Variants in IGFL2 observed in about 807,000 individuals in gnomAD.
IGFL2 encodes IGF like family member 2.
IGFL2 carries 7 observed loss-of-function variants against 13.9 expected under a neutral mutation model. The ratio of observed to expected loss-of-function variants is 0.51; its 90% CI spans 0.29 to 0.95. The LOEUF is 0.95. IGFL2 is among the 40% of genes least tolerant of loss of function. The pLI is 0.08. For missense variants in IGFL2, 138 were observed against 147.8 expected, an observed-to-expected ratio of 0.93 and a Z score of 0.34; for synonymous variants, 55 against 55.8, an observed-to-expected ratio of 0.99 and a Z score of 0.07.
the IGFL2 span, among the ~76,000 whole-genome samples, chr19:46,105,707 G>T: frequency 6.6e-6 from 1 of 152,200 alleles, no homozygotes; most frequent in Non-Finnish European, 1.5e-5. Flanking sequence ...GAACTGTAGG[G>T]AGTGAGTTAA....
At chr19:46,146,224 A>G (rs1271884199), upstream of IGFL2, among the ~76,000 whole-genome samples, 1 of 151,472 alleles carries the variant, frequency 6.6e-6, no homozygotes, top group African/African-American at 2.4e-5. Context: ...TCCCCCATTG[A>G]ATTGCCTTTA....
chr19:46,195,558 CAG>C, the IGFL2 span, among the ~76,000 whole-genome samples: 2 of 152,122 alleles, frequency 1.3e-5, no homozygotes, highest in Non-Finnish European at 2.9e-5. Flanking sequence ...CACGCAAAGA[CAG>C]AGGAGTCTAA....
At chr19:46,124,070 A>T in the IGFL2 span, 1 of 1,611,614 alleles carries the variant, frequency 6.2e-7, no homozygotes, top group South Asian at 1.1e-5. Flanking sequence ...GCATCATCAT[A>T]ACAGCACTGC....
At chr19:46,190,876 C>G in the IGFL2 span, among the ~76,000 whole-genome samples, 2 of 152,118 alleles carry the variant, frequency 1.3e-5, no homozygotes, top group African/African-American at 4.8e-5. Context: ...AGACTCTGGC[C>G]CTCGCCCTCA....
At chr19:46,158,000 T>C (rs1217934745) in intron 1 of IGFL2, among the ~76,000 whole-genome samples, 1 of 152,132 alleles carries the variant, frequency 6.6e-6, no homozygotes, top group Admixed American at 6.5e-5. Flanking sequence ...ATAATGAACA[T>C]GTGGACATTG....
the IGFL2 span, among the ~76,000 whole-genome samples, chr19:46,181,031 A>G: frequency 6.6e-6 from 1 of 152,120 alleles, no homozygotes; most frequent in African/African-American, 2.4e-5. Context: ...ACCTAGCAAC[A>G]ATATTTTGCA....
chr19:46,104,410 A>G, the IGFL2 span, among the ~76,000 whole-genome samples: 1 of 152,114 alleles, frequency 6.6e-6, no homozygotes, highest in Admixed American at 6.6e-5. Flanking sequence ...CTTCCACTGA[A>G]TAGAGCCTGA....
chr19:46,124,558 G>C, the IGFL2 span: 3 of 1,397,282 alleles, frequency 2.1e-6, no homozygotes, highest in East Asian at 2.3e-5. Flanking sequence ...GGAATAAATC[G>C]GGTTGAGGTT....
At chr19:46,094,246 G>C in the IGFL2 span, among the ~76,000 whole-genome samples, 1 of 151,976 alleles carries the variant, frequency 6.6e-6, no homozygotes, top group Non-Finnish European at 1.5e-5. Context: ...TAGATTGATG[G>C]AATGTAATGG....
chr19:46,132,130 T>C, the IGFL2 span, among the ~76,000 whole-genome samples: 598 of 152,202 alleles, frequency 3.9e-3, 3 homozygotes, highest in African/African-American at 0.012. Flanking sequence ...CTTAACCAGT[T>C]TTCACACACA....
At chr19:46,196,550 C>G in the IGFL2 span, among the ~76,000 whole-genome samples, 1 of 152,226 alleles carries the variant, frequency 6.6e-6, no homozygotes, top group Non-Finnish European at 1.5e-5. Flanking sequence ...CAACGCTAGT[C>G]TCGGCTCAGC....
chr19:46,174,509 A>T, the IGFL2 span, among the ~76,000 whole-genome samples: 1 of 152,242 alleles, frequency 6.6e-6, no homozygotes, highest in Non-Finnish European at 1.5e-5. Context: ...AGCATAGCTG[A>T]AAGTTTCCCA....
chr19:46,133,635 GA>G, the IGFL2 span, among the ~76,000 whole-genome samples: 1 of 152,242 alleles, frequency 6.6e-6, no homozygotes, highest in Admixed American at 6.5e-5. Context: ...TAAGAACGCA[GA>G]GTATATTGAT....
the IGFL2 span, among the ~76,000 whole-genome samples, chr19:46,170,504 A>G: frequency 2.2e-4 from 33 of 152,332 alleles, no homozygotes; most frequent in Non-Finnish European, 4.1e-4. Flanking sequence ...CACCTTAAGA[A>G]CAGGATAACA....
the IGFL2 span, among the ~76,000 whole-genome samples, chr19:46,169,285 G>T: frequency 6.6e-6 from 1 of 152,150 alleles, no homozygotes; most frequent in Admixed American, 6.5e-5. Context: ...AATATAAATT[G>T]AATTTCAGTG....
intron 1 of IGFL2, among the ~76,000 whole-genome samples, chr19:46,154,447 T>G (rs1973695854): frequency 6.6e-6 from 1 of 152,074 alleles, no homozygotes; most frequent in East Asian, 1.9e-4. Flanking sequence ...GGTTTTGTTT[T>G]GTTTTGTTTT....
chr19:46,170,686 AG>A, the IGFL2 span, among the ~76,000 whole-genome samples: 1 of 152,256 alleles, frequency 6.6e-6, no homozygotes, highest in Non-Finnish European at 1.5e-5. Context: ...ATGCCTTCCC[AG>A]GGGGGCCTCT....
the IGFL2 span, chr19:46,209,432 A>G: frequency 6.6e-6 from 1 of 152,200 alleles, no homozygotes; most frequent in East Asian, 1.9e-4. Context: ...AGCCCTCCCA[A>G]CATAGGACAC....
chr19:46,098,592 C>T, the IGFL2 span, among the ~76,000 whole-genome samples: 3 of 151,468 alleles, frequency 2.0e-5, no homozygotes, highest in Middle Eastern at 3.4e-3. Flanking sequence ...GATTCTCCTG[C>T]GTCAGCCTCC....
Sources: allele counts gnomAD v4.1 joint callset (sites outside exome capture counted in the v4.1 genomes callset), GRCh38; gene constraint gnomAD v4.1.1; transcripts MANE v1.5; gene names NCBI Gene and HGNC (gene_info 2026-07-23, HGNC 2026-07-21).